The following KCNQ5 variants were observed in gnomAD, a reference collection of about 807,000 sequenced individuals.
KCNQ5 encodes potassium voltage-gated channel subfamily KQT member 5.
Under a neutral mutation model 98.2 loss-of-function variants are expected in KCNQ5, and 30 were observed. The observed-to-expected ratio is 0.31, with a 90% CI of 0.23 to 0.41. The LOEUF (loss-of-function observed/expected upper bound fraction) is 0.41, where lower values mean the gene tolerates loss of function less well. KCNQ5 is among the 10% of genes least tolerant of loss of function. The probability of loss-of-function intolerance (pLI) is 1.00; values close to 1 mark genes in which losing one functional copy is unlikely to be tolerated. For synonymous variants in KCNQ5, 458 were observed against 449.4 expected (o/e 1.02, Z -0.24); for missense variants, 835 against 1,182.5 (o/e 0.71, Z 4.31).
At chr6:73,151,006 G>C (rs1211413041) in intron 10 of KCNQ5, among the ~76,000 whole-genome samples, 1 of 151,984 alleles carries the variant, frequency 6.6e-6, no homozygotes, top group East Asian at 1.9e-4. Context: ...ATCTTGACTG[G>C]ATCAGTGTTA....
intron 3 of KCNQ5, among the ~76,000 whole-genome samples, chr6:73,064,399 CT>C (rs966431158): frequency 5.6e-4 from 85 of 152,226 alleles, no homozygotes; most frequent in African/African-American, 2.0e-3. Context: ...CATTGTTTGG[CT>C]GTTGATGTTT....
At chr6:72,873,855 T>C (rs1177789154) in intron 1 of KCNQ5, among the ~76,000 whole-genome samples, 1 of 152,078 alleles carries the variant, frequency 6.6e-6, no homozygotes, top group Non-Finnish European at 1.5e-5. Context: ...CTTATGTGCA[T>C]ATAAACGTAT....
At chr6:73,158,021 G>A in intron 10 of KCNQ5, 3 of 714,028 alleles carry the variant, frequency 4.2e-6, no homozygotes, top group Admixed American at 3.6e-5. Context: ...TGGGTTTAAT[G>A]TCCATGGGGA....
Position 72,839,225 on chromosome 6 carries a change from C to T in KCNQ5, c.399-164683C>T, listed in dbSNP as rs572602943. Among the ~76,000 whole-genome samples, 10 of 152,264 alleles carry T rather than the reference C, an allele frequency of 6.6e-5. No individual in the cohort carries two copies. In the South Asian group the frequency reaches 1.9e-3, roughly 28 times the overall value. On this transcript the variant is annotated intron_variant, in intron 1 of 13. Transcript: ENST00000370398. ...GAAATACACTTTCTTGCAGATACTA[C>T]TTCCATTTGCTTGGAAATTGTCTTG...
chr6:72,962,282 T>C (rs1264073664), intron 1 of KCNQ5, among the ~76,000 whole-genome samples: 2 of 146,380 alleles, frequency 1.4e-5, no homozygotes, highest in African/African-American at 2.5e-5. Flanking sequence ...TATATATATA[T>C]GGGAGCTAAG....
intron 1 of KCNQ5, among the ~76,000 whole-genome samples, chr6:72,945,346 G>A (rs1766488472): frequency 6.6e-6 from 1 of 151,512 alleles, no homozygotes; most frequent in African/African-American, 2.4e-5. Flanking sequence ...TTGGTGTGCT[G>A]CACCCAGTAA....
At chr6:72,661,857 A>G (rs970735387) in intron 1 of KCNQ5, among the ~76,000 whole-genome samples, 1 of 152,164 alleles carries the variant, frequency 6.6e-6, no homozygotes, top group Non-Finnish European at 1.5e-5. Context: ...CATCTCATCA[A>G]TGGGCTAGAA....
At chr6:72,629,894 T>C (rs2098919884) in intron 1 of KCNQ5, among the ~76,000 whole-genome samples, 1 of 152,210 alleles carries the variant, frequency 6.6e-6, no homozygotes, top group African/African-American at 2.4e-5. Flanking sequence ...AGAAATTCTT[T>C]GATGGTCTCA....
chr6:72,971,032 C>G (rs554086204), intron 1 of KCNQ5, among the ~76,000 whole-genome samples: 3,368 of 152,164 alleles, frequency 0.022, 47 homozygotes, highest in Middle Eastern at 0.075. Flanking sequence ...TTCTGCACAG[C>G]AAAAGAAACT....
intron 1 of KCNQ5, among the ~76,000 whole-genome samples, chr6:72,726,067 C>T (rs1170486301): frequency 6.6e-6 from 1 of 150,774 alleles, no homozygotes; most frequent in Non-Finnish European, 1.5e-5. Flanking sequence ...TATAAACATC[C>T]TCATCTCACA....
chr6:72,672,732 A>G (rs1195546433), intron 1 of KCNQ5, among the ~76,000 whole-genome samples: 2 of 152,310 alleles, frequency 1.3e-5, no homozygotes, highest in African/African-American at 4.8e-5. Context: ...AGGACTTTGT[A>G]AAGTATTGAT....
At chr6:73,163,345 A>G (rs912766547) in intron 10 of KCNQ5, among the ~76,000 whole-genome samples, 4 of 152,224 alleles carry the variant, frequency 2.6e-5, no homozygotes, top group Non-Finnish European at 5.9e-5. Flanking sequence ...GCAGTTACCT[A>G]TGATCACACC....
At chr6:73,184,902 A>G (rs910132538) in intron 11 of KCNQ5, among the ~76,000 whole-genome samples, 8 of 152,164 alleles carry the variant, frequency 5.3e-5, no homozygotes, top group African/African-American at 1.7e-4. Context: ...GAAGGGGGGA[A>G]TTCTCACCAT....
At chr6:72,980,371 T>C (rs1265391932) in intron 1 of KCNQ5, among the ~76,000 whole-genome samples, 1 of 152,184 alleles carries the variant, frequency 6.6e-6, no homozygotes, top group East Asian at 1.9e-4. Context: ...GGTTTGTACT[T>C]CTCCTTGAAA....
At chr6:72,698,363 C>A (rs945572200) in intron 1 of KCNQ5, among the ~76,000 whole-genome samples, 1 of 152,200 alleles carries the variant, frequency 6.6e-6, no homozygotes, top group Middle Eastern at 3.4e-3. Context: ...GCCACCACGC[C>A]TGGCTAATTT....
chr6:72,729,015 T>C (rs1182238910), intron 1 of KCNQ5, among the ~76,000 whole-genome samples: 1 of 152,204 alleles, frequency 6.6e-6, no homozygotes, highest in Non-Finnish European at 1.5e-5. Flanking sequence ...AGAATAGTAG[T>C]ATACTATAAG....
In KCNQ5 at chr6:73,055,627, G is replaced by A. The variant is rs1772450540; in HGVS notation, c.616+13565G>A. ...TTCCCCAGATCAAGGAGGGGAAATG[G>A]GTACTGACTGCAGCCCATGGCAACA... On this transcript the variant is annotated intron_variant, in intron 3 of 13. Coordinates refer to ENST00000370398, the MANE Select transcript of KCNQ5 (RefSeq NM_019842.4). 4.2e-6 allele frequency: 5 copies of A among 1,201,580 alleles called. No individual in the cohort carries two copies. In the Admixed American group the frequency reaches 8.5e-5, roughly 20 times the overall value. 74.4% of individuals were successfully genotyped at this position (1,201,580 alleles called of 1,614,324 possible).
intron 2 of KCNQ5, among the ~76,000 whole-genome samples, chr6:73,018,243 C>T (rs1473626721): frequency 2.6e-5 from 4 of 152,106 alleles, no homozygotes; most frequent in Non-Finnish European, 5.9e-5. Flanking sequence ...TCCATAGGCT[C>T]CTTTCTGAGT....
Position 73,133,640 on chromosome 6 carries a change from T to C in KCNQ5, c.1467T>C (p.Asp489=), listed in dbSNP as rs111240042. The change falls in exon 10 of 14, where the codon GAT becomes GAC. Residue 489 remains aspartate, a splice_region_variant and synonymous_variant. Coordinates refer to ENST00000370398, the MANE Select transcript of KCNQ5 (RefSeq NM_019842.4). ...LKSSQPKPVI[D]ADTALGTDDV... The stretch of plus-strand genomic sequence containing the variant: ...GTTCTCAGCCAAAACCAGTGATAGA[T>C]GGTAAGCCCTGTTTTTCCATAACCA... 2.5e-6 allele frequency: 4 copies of C among 1,613,890 alleles called. No homozygotes were observed. The African/African-American group carries it at 4.0e-5, about 16-fold the overall frequency.
Sources: gnomAD v4.1 joint callset for allele counts (sites outside exome capture counted in the v4.1 genomes callset) on GRCh38, gnomAD v4.1.1 for gene constraint, MANE v1.5 for transcripts, NCBI Gene and HGNC (gene_info 2026-07-23, HGNC 2026-07-21) for gene names.